ZFAND3: variants seen among roughly 807,000 people sequenced by gnomAD.
ZFAND3 encodes zinc finger AN1-type containing 3.
A neutral mutation model predicts 29.6 loss-of-function variants in ZFAND3; 10 were observed. The observed-to-expected ratio is 0.34, with a 90% CI of 0.21 to 0.57. The LOEUF (loss-of-function observed/expected upper bound fraction) is 0.57, where lower values mean the gene tolerates loss of function less well. ZFAND3 is among the 20% of genes least tolerant of loss of function. The probability of loss-of-function intolerance (pLI) is 0.86; values close to 1 mark genes in which losing one functional copy is unlikely to be tolerated. For missense variants in ZFAND3, 230 were observed against 304.5 expected (o/e 0.76, Z 1.82); for synonymous variants, 128 against 112.6 (o/e 1.14, Z -0.87).
At chr6:38,053,929 C>A (rs1277672535) in intron 2 of ZFAND3, among the ~76,000 whole-genome samples, 1 of 150,854 alleles carries the variant, frequency 6.6e-6, no homozygotes, top group African/African-American at 2.4e-5. Flanking sequence ...GGAGGAAGGG[C>A]AGAAGACAAG....
chr6:38,010,001 T>A (rs1309852027), intron 2 of ZFAND3, among the ~76,000 whole-genome samples: 2 of 152,220 alleles, frequency 1.3e-5, no homozygotes, highest in Non-Finnish European at 2.9e-5. Flanking sequence ...ATGGCATATT[T>A]CTGGTCGCAA....
In ZFAND3 at chr6:38,021,780, C is replaced by G. The variant is rs545518047; in HGVS notation, c.113-39813C>G. Among the ~76,000 whole-genome samples the G allele has an allele frequency of 3.9e-5, 6 of 152,220 alleles. No homozygotes were observed. The East Asian group carries it at 9.6e-4, about 24-fold the overall frequency. ...AGATTTCCTGGCTTGGTAGGGCTGTCCAAGACAATTCCTGCTTTCCCCATT... is the reference window on the plus strand; with the variant it reads ...AGATTTCCTGGCTTGGTAGGGCTGTGCAAGACAATTCCTGCTTTCCCCATT... On this transcript the variant is annotated intron_variant, in intron 2 of 5. Transcript: ENST00000287218.
At chr6:38,019,187 T>C (rs1166669372) in intron 2 of ZFAND3, among the ~76,000 whole-genome samples, 2 of 152,214 alleles carry the variant, frequency 1.3e-5, no homozygotes, top group African/African-American at 4.8e-5. Context: ...CTTGAACTCC[T>C]GACCTCGTGA....
Position 38,031,733 on chromosome 6 carries a change from T to C in ZFAND3, c.113-29860T>C, listed in dbSNP as rs1763563903. ...GTTGGTTAATTGAGATAACACTTAA[T>C]TGCCCAGTAGAGTACCCACGTAGCC... On this transcript the variant is annotated intron_variant, in intron 2 of 5. Coordinates refer to ENST00000287218, the MANE Select transcript of ZFAND3 (RefSeq NM_021943.3). Among the ~76,000 whole-genome samples, 2 of 152,210 alleles carry C rather than the reference T, an allele frequency of 1.3e-5. 1 individual carries two copies. Among genetic ancestry groups the C allele is most frequent in the South Asian group, 4.1e-4 (2 of 4,836 alleles).
chr6:37,908,391 G>T (rs901678733), intron 1 of ZFAND3, among the ~76,000 whole-genome samples: 1 of 152,020 alleles, frequency 6.6e-6, no homozygotes, highest in Non-Finnish European at 1.5e-5. Flanking sequence ...TGAACATAAT[G>T]TCAAGTTCTC....
chr6:37,826,413 A>G (rs1385925535), intron 1 of ZFAND3, among the ~76,000 whole-genome samples: 1 of 152,118 alleles, frequency 6.6e-6, no homozygotes, highest in Non-Finnish European at 1.5e-5. Flanking sequence ...AACATAAGAC[A>G]TTTCCTGTAA....
At chr6:38,083,571 C>G (rs760982785) in intron 4 of ZFAND3, among the ~76,000 whole-genome samples, 3 of 152,160 alleles carry the variant, frequency 2.0e-5, no homozygotes, top group Non-Finnish European at 2.9e-5. Flanking sequence ...CAGCCAGAAG[C>G]TTGAAAACAT....
At chr6:37,851,244 CCT>C (rs556858570) in intron 1 of ZFAND3, among the ~76,000 whole-genome samples, 112 of 151,828 alleles carry the variant, frequency 7.4e-4, no homozygotes, top group African/African-American at 2.6e-3. Context: ...GCCTTGGCCT[CCT>C]TACGTGCTGG....
At chr6:37,911,462 C>T (rs897868676) in intron 1 of ZFAND3, among the ~76,000 whole-genome samples, 4 of 152,274 alleles carry the variant, frequency 2.6e-5, no homozygotes, top group South Asian at 4.1e-4. Flanking sequence ...ATCAGAAGTA[C>T]GGTTTGCACA....
intron 4 of ZFAND3, among the ~76,000 whole-genome samples, chr6:38,090,994 T>C (rs190683210): frequency 7.7e-4 from 117 of 152,342 alleles, no homozygotes; most frequent in African/African-American, 2.7e-3. Flanking sequence ...CAAAAACTTG[T>C]ATCCAAGGCC....
At chr6:38,052,884 A>G (rs1764053617) in intron 2 of ZFAND3, among the ~76,000 whole-genome samples, 1 of 152,024 alleles carries the variant, frequency 6.6e-6, no homozygotes, top group African/African-American at 2.4e-5. Flanking sequence ...CTAAAAACAC[A>G]AAACTTAGGT....
intron 1 of ZFAND3, among the ~76,000 whole-genome samples, chr6:37,909,360 T>G (rs259674): frequency 3.3e-5 from 5 of 150,450 alleles, no homozygotes; most frequent in African/African-American, 1.2e-4. Context: ...GCTCACTGCA[T>G]CCTCCGCCTC....
chr6:38,116,748 C>A lies in ZFAND3; in HGVS notation c.529+9C>A. 6.2e-7 allele frequency: 1 copy of A among 1,613,128 alleles called. No homozygotes were observed. The highest frequency in any genetic ancestry group is 1.1e-5 in the South Asian group (1 of 91,002). Reference sequence around the variant, plus strand: ...GGGATCGTGTCGCTGCGGTAAGCATCTCCCCCAGTGGCGTGATGGAGACTA... The same window carrying A: ...GGGATCGTGTCGCTGCGGTAAGCATATCCCCCAGTGGCGTGATGGAGACTA... On this transcript the variant is annotated intron_variant, in intron 5 of 5. Transcript: ENST00000287218.
intron 1 of ZFAND3, among the ~76,000 whole-genome samples, chr6:37,888,042 AAAAAC>A (rs1354899445): frequency 6.6e-6 from 1 of 152,230 alleles, no homozygotes; most frequent in Non-Finnish European, 1.5e-5. Context: ...ACTAAGTAGA[AAAAAC>A]AAAACAAAAC....
At chr6:38,147,608 G>A (rs932937385) in intron 5 of ZFAND3, among the ~76,000 whole-genome samples, 3 of 152,132 alleles carry the variant, frequency 2.0e-5, no homozygotes, top group Non-Finnish European at 4.4e-5. Context: ...ACCAACAGTG[G>A]GAGTCCTTTT....
chr6:37,918,367 G>A (rs919251893), intron 1 of ZFAND3, among the ~76,000 whole-genome samples: 5 of 152,108 alleles, frequency 3.3e-5, no homozygotes, highest in Non-Finnish European at 5.9e-5. Flanking sequence ...GAGCCACTGC[G>A]CCTGGCCTGT....
chr6:38,037,839 A>G (rs997738276), intron 2 of ZFAND3, among the ~76,000 whole-genome samples: 5 of 152,224 alleles, frequency 3.3e-5, no homozygotes, highest in East Asian at 1.9e-4. Flanking sequence ...ATAACTGATA[A>G]CAATCCCATC....
At chr6:37,870,319 A>AAAAAAAG (rs1561917162) in intron 1 of ZFAND3, among the ~76,000 whole-genome samples, 1 of 145,434 alleles carries the variant, frequency 6.9e-6, no homozygotes. Context: ...AAAAAAAAAA[A>AAAAAAAG]GGGCGGGCAC....
intron 3 of ZFAND3, among the ~76,000 whole-genome samples, chr6:38,068,311 T>G (rs1255970741): frequency 6.6e-6 from 1 of 152,224 alleles, no homozygotes; most frequent in Non-Finnish European, 1.5e-5. Flanking sequence ...GGGAAATACA[T>G]GAAATTCCAA....
Sources: gnomAD v4.1 joint callset for allele counts (sites outside exome capture counted in the v4.1 genomes callset) on GRCh38, gnomAD v4.1.1 for gene constraint, MANE v1.5 for transcripts, NCBI Gene and HGNC (gene_info 2026-07-23, HGNC 2026-07-21) for gene names.